The following SLC22A2 variants were observed in gnomAD, a reference collection of about 807,000 sequenced individuals.
The protein encoded by SLC22A2 is organic cation transporter 2.
In SLC22A2, 46 loss-of-function variants were observed where a neutral mutation model predicts 60.5. That is an observed-to-expected ratio of 0.76 (90% CI 0.60 to 0.97). The LOEUF is 0.97. SLC22A2 is among the 50% of genes least tolerant of loss of function. SLC22A2 has a pLI of 0.00. For missense variants in SLC22A2, 701 were observed against 706.6 expected (o/e 0.99, Z 0.09); for synonymous variants, 303 against 267.0 (o/e 1.13, Z -1.31).
intron 10 of SLC22A2, among the ~76,000 whole-genome samples, chr6:160,219,672 T>C (rs1022841539): frequency 7.2e-5 from 11 of 151,912 alleles, no homozygotes; most frequent in Admixed American, 2.6e-4. Flanking sequence ...GCTGCAAGGA[T>C]TCAATGAGGT....
Position 160,224,757 on chromosome 6 carries a change from T to C in SLC22A2, c.1549A>G (p.Thr517Ala). ...AGGLVLLLPE[T>A]KGKALPETIE... ...GTCTCAGGCAAAGCTTTCCCTTTAG[T>C]TTCTGGAAGCAACAGCACCAGACCT... The change falls in exon 10 of 11, where the codon ACT (threonine) becomes GCT (alanine). Residue 517 changes from threonine (T) to alanine (A), a missense_variant. Transcript: ENST00000366953. 1 of 1,603,924 alleles carries C rather than the reference T, an allele frequency of 6.2e-7. No homozygotes were observed. Among genetic ancestry groups the C allele is most frequent in the South Asian group, 1.1e-5 (1 of 89,266 alleles).
Position 160,217,490 on chromosome 6 carries a change from T to A in SLC22A2, c.1610A>T (p.Lys537Ile), listed in dbSNP as rs767942092. The change falls in exon 11 of 11, where the codon AAA becomes ATA. Residue 537 changes from lysine to isoleucine, a missense_variant. Physicochemically the swap from Lys to Ile is moderately radical, Grantham distance 102 (BLOSUM62 -3). Coordinates refer to ENST00000366953, the MANE Select transcript of SLC22A2 (RefSeq NM_003058.4). ...GAGGTAAATCATCTTTTCTTTATTTTTTCTTGGTCTGCAATAAGAAATAAA... is the reference window on the plus strand; with the variant it reads ...GAGGTAAATCATCTTTTCTTTATTTATTCTTGGTCTGCAATAAGAAATAAA... ...EEAENMQRPRKNKEKMIYLQV... is the reference protein window; with the variant it reads ...EEAENMQRPRINKEKMIYLQV... 15 of 1,582,812 alleles carry A rather than the reference T, an allele frequency of 9.5e-6. No individual in the cohort carries two copies. The highest frequency in any genetic ancestry group is 1.3e-5 in the Non-Finnish European group (15 of 1,152,162).
Position 160,256,730 on chromosome 6 carries a change from G to C in SLC22A2, c.415-13C>G, listed in dbSNP as rs768842852. 1 of 1,575,944 alleles carries C rather than the reference G, an allele frequency of 6.3e-7. No individual in the cohort carries two copies. Among genetic ancestry groups the C allele is most frequent in the South Asian group, 1.1e-5 (1 of 90,166 alleles). On this transcript the variant is annotated splice_polypyrimidine_tract_variant and intron_variant, in intron 1 of 10. Transcript: ENST00000366953. ...ATACCAGGTTAAACTGCCAGCAGGG[G>C]AGAAGTGTTCCAAGTTGGGAGAGAA...
At position 160,239,092 on chromosome 6, in the gene SLC22A2, C is replaced by T. The variant is rs183724930; in HGVS notation, c.1501+2382G>A. Among the ~76,000 whole-genome samples the T allele has an allele frequency of 2.8e-3, 431 of 152,186 alleles. 1 individual carries two copies. The highest frequency in any genetic ancestry group is 0.017 in the South Asian group (84 of 4,808). ...CCCAAACCCACCAAAACCAAGATGG[C>T]GATGGAAGTGACCTCTGGTCATCCT... On this transcript the variant is annotated intron_variant, in intron 9 of 10. Transcript: ENST00000366953.
At chr6:160,231,009 G>A (rs1016577263) in intron 9 of SLC22A2, among the ~76,000 whole-genome samples, 3 of 151,908 alleles carry the variant, frequency 2.0e-5, no homozygotes, top group Non-Finnish European at 2.9e-5. Context: ...GACCATGATG[G>A]ACACTGAGCT....
At chr6:160,236,794 C>A (rs566997880) in intron 9 of SLC22A2, among the ~76,000 whole-genome samples, 1 of 152,138 alleles carries the variant, frequency 6.6e-6, no homozygotes, top group South Asian at 2.1e-4. Flanking sequence ...TACCTAGGGA[C>A]CTCAAGAGGA....
rs941242974 is a variant in SLC22A2, at chr6:160,258,432, C to T, written c.326G>A (p.Ser109Asn). Reference sequence around the variant, plus strand: ...CAGGCGGCTCCTGTTGGTGTCCAGGCTGGCCAGGGGGTCCACGCAGTCGAA... The same window carrying T: ...CAGGCGGCTCCTGTTGGTGTCCAGGTTGGCCAGGGGGTCCACGCAGTCGAA... Reference protein sequence around the residue: ...STFDCVDPLASLDTNRSRLPL... With the variant: ...STFDCVDPLANLDTNRSRLPL... The change falls in exon 1 of 11, where the codon AGC becomes AAC. Residue 109 changes from serine to asparagine, a missense_variant. Physicochemically the swap from Ser to Asn is conservative, Grantham distance 46 (BLOSUM62 1). Coordinates refer to ENST00000366953, the MANE Select transcript of SLC22A2 (RefSeq NM_003058.4). 10 of 1,614,006 alleles carry T rather than the reference C, an allele frequency of 6.2e-6. No homozygotes were observed. The Admixed American group carries it at 1.2e-4, about 19-fold the overall frequency.
intron 6 of SLC22A2, 96 bp from the exon 7 acceptor site, chr6:160,243,882 C>A (rs1238674751): frequency 1.0e-5 from 8 of 785,460 alleles, no homozygotes; most frequent in Non-Finnish European, 1.7e-5. Flanking sequence ...TGTAGGTCAC[C>A]TTTCCCTGTG....
intron 10 of SLC22A2, among the ~76,000 whole-genome samples, chr6:160,220,593 C>T (rs73782040): frequency 0.012 from 1,849 of 152,246 alleles, 55 homozygotes; most frequent in African/African-American, 0.042. Context: ...TTACCATCTA[C>T]GGTAGCTATA....
chr6:160,235,868 A>C (rs1238929254), intron 9 of SLC22A2, among the ~76,000 whole-genome samples: 2 of 152,184 alleles, frequency 1.3e-5, no homozygotes, highest in African/African-American at 4.8e-5. Flanking sequence ...TACAGGAAGC[A>C]TTGTTGAACA....
chr6:160,241,015 T>G (rs926856795), intron 9 of SLC22A2, among the ~76,000 whole-genome samples: 58 of 150,270 alleles, frequency 3.9e-4, no homozygotes, highest in African/African-American at 1.3e-3. Context: ...AATTGCCTTT[T>G]GCAAAATTTT....
intron 5 of SLC22A2, among the ~76,000 whole-genome samples, chr6:160,246,670 C>T (rs572291264): frequency 6.6e-6 from 1 of 152,252 alleles, no homozygotes; most frequent in Admixed American, 6.5e-5. Context: ...TCGCTTGAAC[C>T]TGGGAAGTGG....
chr6:160,252,916 C>T (rs1416674620), intron 2 of SLC22A2, among the ~76,000 whole-genome samples: 2 of 152,148 alleles, frequency 1.3e-5, no homozygotes, highest in East Asian at 3.9e-4. Flanking sequence ...AATGAGGATG[C>T]CCAGTAAAGT....
At chr6:160,249,795 G>T (rs960151221) in intron 3 of SLC22A2, among the ~76,000 whole-genome samples, 1 of 152,142 alleles carries the variant, frequency 6.6e-6, no homozygotes, top group Admixed American at 6.5e-5. Context: ...TCTTACATGG[G>T]TTTAACATTT....
intron 10 of SLC22A2, among the ~76,000 whole-genome samples, chr6:160,223,604 A>T (rs1583389372): frequency 6.6e-6 from 1 of 152,334 alleles, no homozygotes; most frequent in East Asian, 1.9e-4. Context: ...GGTTGTTTCC[A>T]ACACTTGTTA....
intron 10 of SLC22A2, among the ~76,000 whole-genome samples, chr6:160,219,894 A>G (rs767087214): frequency 7.2e-5 from 11 of 152,230 alleles, no homozygotes; most frequent in Non-Finnish European, 1.0e-4. Flanking sequence ...AATGCTAACA[A>G]TCATCTGAAC....
At chr6:160,218,376 CAGCAGCAACAGT>C (rs1367131401) in intron 10 of SLC22A2, 1 of 218,692 alleles carries the variant, frequency 4.6e-6, no homozygotes. Flanking sequence ...AAAGCAAGAA[CAGCAGCAACAGT>C]AGCAGCAATA....
At chr6:160,230,130 C>A (rs1782794731) in intron 9 of SLC22A2, among the ~76,000 whole-genome samples, 1 of 151,860 alleles carries the variant, frequency 6.6e-6, no homozygotes, top group Non-Finnish European at 1.5e-5. Flanking sequence ...CCCTCCTCAC[C>A]AGGCTGCTCC....
chr6:160,221,007 A>G (rs1475543978), intron 10 of SLC22A2, among the ~76,000 whole-genome samples: 1 of 152,198 alleles, frequency 6.6e-6, no homozygotes, highest in Non-Finnish European at 1.5e-5. Flanking sequence ...TTCACAAGAG[A>G]GTCAACCTGT....
Sources: gnomAD v4.1 joint callset for allele counts (sites outside exome capture counted in the v4.1 genomes callset) on GRCh38, gnomAD v4.1.1 for gene constraint, MANE v1.5 for transcripts, NCBI Gene and HGNC (gene_info 2026-07-23, HGNC 2026-07-21) for gene names.